TESK2: variants seen among roughly 807,000 people sequenced by gnomAD.
The protein encoded by TESK2 is testis associated actin remodelling kinase 2, also known as dual specificity testis-specific protein kinase 2.
A neutral mutation model predicts 57.1 loss-of-function variants in TESK2; 39 were observed. The observed-to-expected ratio is 0.68, with a 90% CI of 0.53 to 0.89. The LOEUF (loss-of-function observed/expected upper bound fraction) is 0.89, where lower values mean the gene tolerates loss of function less well. TESK2 is among the 40% of genes least tolerant of loss of function. TESK2 has a pLI of 0.00. For synonymous variants in TESK2, 249 were observed against 267.9 expected (o/e 0.93, Z 0.69); for missense variants, 646 against 732.1 (o/e 0.88, Z 1.36).
chr1:45,391,318 C>T (rs1315774037), intron 3 of TESK2, among the ~76,000 whole-genome samples: 2 of 148,908 alleles, frequency 1.3e-5, no homozygotes, highest in African/African-American at 2.5e-5. Flanking sequence ...CATTGGCTCA[C>T]GTGATCCTCC....
chr1:45,355,412 C>A lies in TESK2; in HGVS notation c.431G>T (p.Ser144Ile), dbSNP rs201555283. The A allele has an allele frequency of 6.2e-7, 1 of 1,613,604 alleles. No homozygotes were observed. Among genetic ancestry groups the A allele is most frequent in the Middle Eastern group, 1.7e-4 (1 of 6,060 alleles). ...CACAGTCCAAGGCAAATGCAGGTTA[C>A]TGTCTAGCAACTGTTCCAGGTTCCC... ...NSGNLEQLLD[S>I]NLHLPWTVRV... Residue 144 changes from serine (S) to isoleucine (I), a missense_variant, in exon 5 of 11, where the codon AGT becomes ATT. Physicochemically the swap from Ser to Ile is moderately radical, Grantham distance 142. Transcript: ENST00000372086.
At chr1:45,424,199 C>T (rs932831762) in intron 2 of TESK2, among the ~76,000 whole-genome samples, 1 of 152,140 alleles carries the variant, frequency 6.6e-6, no homozygotes, top group African/African-American at 2.4e-5. Flanking sequence ...TATCCAAAAA[C>T]TCCTTGAAAT....
chr1:45,375,516 T>G (rs541986159), intron 4 of TESK2, among the ~76,000 whole-genome samples: 1 of 150,440 alleles, frequency 6.6e-6, no homozygotes, highest in African/African-American at 2.5e-5. Flanking sequence ...ATGTTGAAAA[T>G]TGTAAACCAC....
chr1:45,482,863 C>A (rs1367121905), intron 1 of TESK2, among the ~76,000 whole-genome samples: 3 of 151,458 alleles, frequency 2.0e-5, no homozygotes, highest in Non-Finnish European at 4.4e-5. Context: ...CCCTGTAATC[C>A]CAGCTACTCG....
At chr1:45,442,997 G>C (rs1651503201) in intron 2 of TESK2, among the ~76,000 whole-genome samples, 2 of 152,168 alleles carry the variant, frequency 1.3e-5, no homozygotes, top group African/African-American at 4.8e-5. Flanking sequence ...TGTTGGCCAG[G>C]CTGGTCTTGA....
rs781563700 is a variant in TESK2, at chr1:45,421,833, G to C, written c.236C>G (p.Ala79Gly). The C allele has an allele frequency of 2.5e-6, 4 of 1,613,936 alleles. No individual in the cohort carries two copies. In the East Asian group the frequency reaches 8.9e-5, roughly 36 times the overall value. Residue 79 changes from alanine to glycine, a missense_variant, in exon 3 of 11, where the codon GCT (alanine) becomes GGT (glycine). By Grantham distance (60) the Ala-to-Gly change is moderately conservative. Coordinates refer to ENST00000372086, the MANE Select transcript of TESK2 (RefSeq NM_007170.3). ...FSEVFKVRHR[A>G]SGQVMALKMN... ...CTTAAGAGCCATCACCTGACCAGAAGCTCGGTGTCGTACCTAGAATATTAA... is the reference window on the plus strand; with the variant it reads ...CTTAAGAGCCATCACCTGACCAGAACCTCGGTGTCGTACCTAGAATATTAA...
chr1:45,484,822 G>A (rs1257720272), intron 1 of TESK2, among the ~76,000 whole-genome samples: 2 of 151,880 alleles, frequency 1.3e-5, no homozygotes, highest in Non-Finnish European at 2.9e-5. Context: ...ACAAGGTCAG[G>A]AGATCGAGAC....
At chr1:45,372,530 G>C (rs1648232383) in intron 4 of TESK2, among the ~76,000 whole-genome samples, 1 of 151,908 alleles carries the variant, frequency 6.6e-6, no homozygotes, top group African/African-American at 2.4e-5. Flanking sequence ...AGTGAGCCAA[G>C]ATCGTGCCAC....
In TESK2 at chr1:45,452,506, CA is replaced by C. The variant is rs576835165; in HGVS notation, c.222+5057del. Reference sequence around the variant, plus strand: ...CCAATAAACAAAAGGACTTCACTAACAATCAGAGTACAAAAATTAAAATGAA... The same window carrying C: ...CCAATAAACAAAAGGACTTCACTAACATCAGAGTACAAAAATTAAAATGAA... On this transcript the variant is annotated intron_variant, in intron 2 of 10. Transcript: ENST00000372086. Among the ~76,000 whole-genome samples, 22 of 152,210 alleles carry C rather than the reference CA, an allele frequency of 1.4e-4. No individual in the cohort carries two copies. In the South Asian group the frequency reaches 3.3e-3, roughly 23 times the overall value.
chr1:45,462,426 C>T (rs1169484758), intron 1 of TESK2, among the ~76,000 whole-genome samples: 1 of 152,128 alleles, frequency 6.6e-6, no homozygotes, highest in Non-Finnish European at 1.5e-5. Flanking sequence ...GCGCCTGACA[C>T]CACACCCGGC....
chr1:45,402,394 T>TA lies in TESK2; in HGVS notation c.345-16435dup, dbSNP rs538809925. Among the ~76,000 whole-genome samples the TA allele has an allele frequency of 9.9e-3, 1,140 of 115,484 alleles. 29 individuals are homozygous for TA. The highest frequency in any genetic ancestry group is 0.08 in the East Asian group (350 of 4,370). 75.8% of individuals were successfully genotyped at this position (115,484 alleles called of 152,430 possible). A position where few individuals can be genotyped will look rare whatever the true frequency, so the allele number is the denominator to read the frequency against. On this transcript the variant is annotated intron_variant, in intron 3 of 10. Transcript: ENST00000372086. ...GGGCAAAACAGCAAGATCTTGTCTT[T>TA]AAAAAAAAAAAAAAAAGAAAAAGAA...
At chr1:45,445,190 C>A (rs182664151) in intron 2 of TESK2, among the ~76,000 whole-genome samples, 1 of 152,036 alleles carries the variant, frequency 6.6e-6, no homozygotes, top group East Asian at 1.9e-4. Context: ...CAGTTTCAAC[C>A]CACTATGATC....
chr1:45,483,485 C>T (rs1040265159), intron 1 of TESK2, among the ~76,000 whole-genome samples: 2 of 151,822 alleles, frequency 1.3e-5, no homozygotes, highest in African/African-American at 4.8e-5. Flanking sequence ...GTAAACCCAG[C>T]TACTCGGGAG....
chr1:45,400,308 T>C (rs936440602), intron 3 of TESK2, among the ~76,000 whole-genome samples: 2 of 152,162 alleles, frequency 1.3e-5, no homozygotes, highest in Admixed American at 6.6e-5. Flanking sequence ...AGTAAGGAAA[T>C]GGATTCTCCT....
At chr1:45,369,955 C>T (rs189071625) in intron 4 of TESK2, among the ~76,000 whole-genome samples, 1 of 152,310 alleles carries the variant, frequency 6.6e-6, no homozygotes, top group East Asian at 1.9e-4. Flanking sequence ...TCATGATCCA[C>T]CCACCTTGAC....
intron 1 of TESK2, among the ~76,000 whole-genome samples, chr1:45,482,463 G>A (rs374766241): frequency 6.6e-6 from 1 of 152,046 alleles, no homozygotes. Context: ...GGGAGGTCGA[G>A]GCCATAGTGA....
intron 5 of TESK2, among the ~76,000 whole-genome samples, chr1:45,348,871 C>A (rs1258810882): frequency 6.6e-6 from 1 of 152,106 alleles, no homozygotes; most frequent in Non-Finnish European, 1.5e-5. Flanking sequence ...TTCCTCACAG[C>A]TTTCAATTCA....
Position 45,345,022 on chromosome 1 carries a change from C to A in TESK2, c.1534G>T (p.Ala512Ser). The A allele has an allele frequency of 6.2e-7, 1 of 1,614,244 alleles. No individual in the cohort carries two copies. The highest frequency in any genetic ancestry group is 8.5e-7 in the Non-Finnish European group (1 of 1,180,048). Residue 512 changes from alanine (A) to serine (S), a missense_variant, in exon 11 of 11, where the codon GCT becomes TCT. By Grantham distance (99) the Ala-to-Ser change is moderately conservative. Transcript: ENST00000372086. The part of the protein sequence containing the change: ...SALPAAQAHE[A>S]MDCSILQEEN... ...TCCTGGAGAATGGAGCAGTCCATAG[C>A]CTCATGGGCTTGAGCAGCTGGTAGG...
intron 3 of TESK2, among the ~76,000 whole-genome samples, chr1:45,417,824 C>G (rs1419583798): frequency 6.6e-6 from 1 of 152,114 alleles, no homozygotes; most frequent in African/African-American, 2.4e-5. Context: ...ATCTCCTGAC[C>G]TCGTGATCCG....
Sources: gnomAD v4.1 joint callset for allele counts (sites outside exome capture counted in the v4.1 genomes callset) on GRCh38, gnomAD v4.1.1 for gene constraint, MANE v1.5 for transcripts, NCBI Gene and HGNC (gene_info 2026-07-23, HGNC 2026-07-21) for gene names.